LIFR: variants seen among roughly 807,000 people sequenced by gnomAD.
LIFR encodes the protein LIF receptor subunit alpha, also known as leukemia inhibitory factor receptor.
LIFR carries 84 observed loss-of-function variants against 122.2 expected under a neutral mutation model. The ratio of observed to expected loss-of-function variants is 0.69; its 90% CI spans 0.58 to 0.82. The LOEUF is 0.82. LIFR is among the 40% of genes least tolerant of loss of function. LIFR has a pLI of 0.00. For synonymous variants in LIFR, 422 were observed against 434.7 expected, an observed-to-expected ratio of 0.97 and a Z score of 0.36; for missense variants, 1,294 against 1,311.6, an observed-to-expected ratio of 0.99 and a Z score of 0.21.
chr5:38,548,973 T>C (rs1346012288), intron 1 of LIFR, among the ~76,000 whole-genome samples: 2 of 152,230 alleles, frequency 1.3e-5, no homozygotes, highest in South Asian at 2.1e-4. Flanking sequence ...GTAACGTTTA[T>C]TAAATACTAC....
rs987677456 is a variant in LIFR at position 38,499,725 on chromosome 5, G to A, written c.1601-142C>T. The A allele has an allele frequency of 1.4e-4, 97 of 693,870 alleles. 1 individual carries two copies. In the Middle Eastern group the frequency reaches 2.0e-3, roughly 14 times the overall value. The allele number at this position is 693,870 out of a possible 1,614,324, so 43.0% of individuals were successfully genotyped here. A position where few individuals can be genotyped will look rare whatever the true frequency, so the allele number is the denominator to read the frequency against. On this transcript the variant is annotated intron_variant, in intron 11 of 19. Transcript: ENST00000453190. ...CTTCCACTTAGAAAATGAAGCAATG[G>A]AAAATCTAAGCTCTCAACAACTTTT... is the stretch of plus-strand genomic sequence containing the variant.
chr5:38,501,108 T>C (rs1379524740), intron 11 of LIFR, among the ~76,000 whole-genome samples: 1 of 152,192 alleles, frequency 6.6e-6, no homozygotes, highest in Non-Finnish European at 1.5e-5. Flanking sequence ...GTCAGAGAGA[T>C]CCAGCTAAGC....
chr5:38,559,639 A>G (rs938162052), upstream of LIFR, among the ~76,000 whole-genome samples: 1 of 152,242 alleles, frequency 6.6e-6, no homozygotes, highest in Non-Finnish European at 1.5e-5. Flanking sequence ...AACGAGCCTT[A>G]TCTCCATAAG....
intron 1 of LIFR, among the ~76,000 whole-genome samples, chr5:38,543,289 C>A (rs1046475819): frequency 6.6e-6 from 1 of 152,072 alleles, no homozygotes; most frequent in Non-Finnish European, 1.5e-5. Flanking sequence ...CCTGTACTCT[C>A]TCAACCCTCC....
intron 1 of LIFR, among the ~76,000 whole-genome samples, chr5:38,532,872 CCT>C (rs1468441835): frequency 3.9e-5 from 6 of 152,254 alleles, no homozygotes; most frequent in East Asian, 3.9e-4. Context: ...ACTTTTTTCC[CCT>C]GTCAATGCCT....
chr5:38,533,551 C>T (rs1239924707), intron 1 of LIFR, among the ~76,000 whole-genome samples: 3 of 152,128 alleles, frequency 2.0e-5, no homozygotes, highest in Non-Finnish European at 2.9e-5. Context: ...TTCCAGTGTA[C>T]ATGAGGTTTA....
intron 1 of LIFR, among the ~76,000 whole-genome samples, chr5:38,548,687 C>T (rs1423688033): frequency 6.6e-6 from 1 of 152,160 alleles, no homozygotes; most frequent in Non-Finnish European, 1.5e-5. Context: ...AAAATTTATA[C>T]AGGACTATTC....
intron 4 of LIFR, among the ~76,000 whole-genome samples, chr5:38,525,185 A>G (rs1045407685): frequency 6.6e-6 from 1 of 152,216 alleles, no homozygotes; most frequent in Non-Finnish European, 1.5e-5. Flanking sequence ...TTTTGGACCA[A>G]TGGAAAACAA....
In LIFR at chr5:38,481,566, T is replaced by C; in HGVS notation, c.*29A>G. The C allele has an allele frequency of 5.0e-6, 8 of 1,613,516 alleles. No homozygotes were observed. The highest frequency in any genetic ancestry group is 2.2e-5 in the East Asian group (1 of 44,884). Reference sequence around the variant, plus strand: ...CACTAGCAGTAAGAGCTTATTGAGATGGCTGACTGAAGTGACACGGTGACA... The same window carrying C: ...CACTAGCAGTAAGAGCTTATTGAGACGGCTGACTGAAGTGACACGGTGACA... On this transcript the variant is annotated 3_prime_UTR_variant, in exon 20 of 20. Coordinates refer to ENST00000453190, the MANE Select transcript of LIFR (RefSeq NM_001127671.2).
Position 38,506,540 on chromosome 5 carries a change from C to A in LIFR, c.1084G>T (p.Val362Leu), listed in dbSNP as rs1194401054. ...GTGTAGCTTGTAGCACGTGGGCCCACCAACGCTGTCACCCTTCCTGGATTC... is the reference window on the plus strand; with the variant it reads ...GTGTAGCTTGTAGCACGTGGGCCCAACAACGCTGTCACCCTTCCTGGATTC... ...SWNPGRVTAL[V>L]GPRATSYTLV... Residue 362 changes from valine to leucine, a missense_variant, in exon 8 of 20, where the codon GTG (valine) becomes TTG (leucine). Val to Leu is a conservative substitution (Grantham distance 32). Coordinates refer to ENST00000453190, the MANE Select transcript of LIFR (RefSeq NM_001127671.2). 6.2e-7 allele frequency: 1 copy of A among 1,613,928 alleles called. No homozygotes were observed. Among genetic ancestry groups the A allele is most frequent in the Non-Finnish European group, 8.5e-7 (1 of 1,179,972 alleles).
At chr5:38,485,523 T>G in intron 17 of LIFR, 1 of 420,300 alleles carries the variant, frequency 2.4e-6, no homozygotes, top group Non-Finnish European at 4.3e-6. Flanking sequence ...GAGCAAAATA[T>G]TTTTAAATGT....
upstream of LIFR, chr5:38,556,943 G>A (rs1047118631): frequency 2.0e-5 from 3 of 152,174 alleles, no homozygotes; most frequent in Admixed American, 6.5e-5. Context: ...GCAAATCCTC[G>A]AGAAAGGCCG....
upstream of LIFR, chr5:38,556,725 CCCCCGG>C (rs1349293828): frequency 1.9e-4 from 27 of 142,810 alleles, no homozygotes; most frequent in African/African-American, 6.7e-4. Context: ...CCCGCCCCTG[CCCCCGG>C]CCCCGGCCCC....
At chr5:38,604,951 C>T (rs3099121) in intron 2 of LIFR, among the ~76,000 whole-genome samples, 37,926 of 151,838 alleles carry the variant, frequency 0.25, 5,102 homozygotes, top group African/African-American at 0.35. Flanking sequence ...CGTATTCTGA[C>T]TGGTGATTGG....
chr5:38,500,309 T>G (rs1745110945), intron 11 of LIFR, among the ~76,000 whole-genome samples: 1 of 152,220 alleles, frequency 6.6e-6, no homozygotes, highest in Admixed American at 6.5e-5. Flanking sequence ...TCCAGACACA[T>G]ACAGGTTGAG....
intron 1 of LIFR, among the ~76,000 whole-genome samples, chr5:38,570,881 C>G (rs1413421844): frequency 6.6e-6 from 1 of 152,156 alleles, no homozygotes; most frequent in East Asian, 1.9e-4. Context: ...ACTTACTCTT[C>G]TTATAATTAA....
chr5:38,503,327 TAAGTA>T (rs1298805046), intron 10 of LIFR, among the ~76,000 whole-genome samples: 1 of 152,152 alleles, frequency 6.6e-6, no homozygotes, highest in African/African-American at 2.4e-5. Flanking sequence ...TTCCTTAAAC[TAAGTA>T]AATATAGTTA....
chr5:38,499,483 T>TA, intron 12 of LIFR, 30 bp downstream of exon 12: 1 of 1,429,498 alleles, frequency 7.0e-7, no homozygotes, highest in Non-Finnish European at 9.9e-7. Flanking sequence ...CAAAGTAATG[T>TA]AAATGTTCAC....
At chr5:38,577,504 C>A (rs1749427196) in intron 1 of LIFR, among the ~76,000 whole-genome samples, 1 of 152,090 alleles carries the variant, frequency 6.6e-6, no homozygotes, top group Non-Finnish European at 1.5e-5. Context: ...GTCTTCCTCC[C>A]ACAAGAACCT....
Sources: allele counts gnomAD v4.1 joint callset (sites outside exome capture counted in the v4.1 genomes callset), GRCh38; gene constraint gnomAD v4.1.1; transcripts MANE v1.5; gene names NCBI Gene and HGNC (gene_info 2026-07-23, HGNC 2026-07-21).